The following CMAS variants were observed in gnomAD, a reference collection of about 807,000 sequenced individuals.
The protein encoded by CMAS is cytidine monophosphate N-acetylneuraminic acid synthetase, also known as N-acylneuraminate cytidylyltransferase.
CMAS carries 21 observed loss-of-function variants against 53.4 expected under a neutral mutation model. The ratio of observed to expected loss-of-function variants is 0.39; its 90% CI spans 0.28 to 0.57. The LOEUF is 0.57. Among genes scored for constraint, CMAS ranks in the 20% least tolerant of loss-of-function variants. CMAS has a pLI of 0.56. For missense variants in CMAS, 384 were observed against 534.9 expected (o/e 0.72, Z 2.78); for synonymous variants, 189 against 195.2 (o/e 0.97, Z 0.27).
chr12:22,047,468 T>C (rs1233898954), intron 1 of CMAS, among the ~76,000 whole-genome samples: 1 of 152,226 alleles, frequency 6.6e-6, no homozygotes, highest in Non-Finnish European at 1.5e-5. Flanking sequence ...GTTTTTGAAG[T>C]CATCTCTTTT....
At chr12:22,058,424 C>CAA (rs75620701) in intron 3 of CMAS, 143 bp from the exon 4 acceptor site, 699 of 528,076 alleles carry the variant, frequency 1.3e-3, no homozygotes, top group Non-Finnish European at 1.5e-3. Context: ...GACTCTGTCT[C>CAA]AAAAAAAAAA....
intron 7 of CMAS, among the ~76,000 whole-genome samples, chr12:22,063,346 A>T (rs1375943761): frequency 1.3e-5 from 2 of 152,228 alleles, no homozygotes; most frequent in Non-Finnish European, 2.9e-5. Flanking sequence ...TAAATGCTGC[A>T]GAATGTTTGT....
chr12:22,057,580 T>C (rs1325429610), intron 3 of CMAS, among the ~76,000 whole-genome samples: 2 of 152,064 alleles, frequency 1.3e-5, no homozygotes, highest in African/African-American at 2.4e-5. Flanking sequence ...ATAAAACTTA[T>C]TTCTGTATAT....
At chr12:22,047,322 AAAG>A (rs1950213554) in intron 1 of CMAS, among the ~76,000 whole-genome samples, 1 of 152,178 alleles carries the variant, frequency 6.6e-6, no homozygotes, top group African/African-American at 2.4e-5. Context: ...GTTATTCATA[AAAG>A]AAGGGAGATC....
chr12:22,056,585 C>T (rs981020846), intron 3 of CMAS, among the ~76,000 whole-genome samples: 7 of 152,156 alleles, frequency 4.6e-5, no homozygotes, highest in African/African-American at 1.4e-4. Context: ...CTCTTGCTAA[C>T]AAGACTAAGG....
At chr12:22,061,733 A>G (rs1230239429) in intron 6 of CMAS, among the ~76,000 whole-genome samples, 2 of 152,174 alleles carry the variant, frequency 1.3e-5, no homozygotes, top group Non-Finnish European at 2.9e-5. Flanking sequence ...TGCAGCAAGA[A>G]AGATTCCCTA....
At chr12:22,057,111 A>G (rs149086076) in intron 3 of CMAS, among the ~76,000 whole-genome samples, 10 of 152,246 alleles carry the variant, frequency 6.6e-5, no homozygotes, top group African/African-American at 2.2e-4. Flanking sequence ...CTGGGGTGGA[A>G]TTGAACAGGG....
intron 6 of CMAS, among the ~76,000 whole-genome samples, 168 bp from the exon 7 acceptor site, chr12:22,062,113 G>C (rs552323207): frequency 2.0e-5 from 3 of 152,292 alleles, no homozygotes; most frequent in Admixed American, 6.5e-5. Context: ...AAAGCATCAT[G>C]ATTTTAATTC....
At chr12:22,057,911 T>TG (rs1555141039) in intron 3 of CMAS, among the ~76,000 whole-genome samples, 5 of 147,908 alleles carry the variant, frequency 3.4e-5, no homozygotes, top group African/African-American at 4.9e-5. Flanking sequence ...CACTGCAATC[T>TG]CCCCCCCCCG....
At chr12:22,049,946 A>G (rs1017935799) in intron 1 of CMAS, among the ~76,000 whole-genome samples, 2 of 152,046 alleles carry the variant, frequency 1.3e-5, no homozygotes, top group Admixed American at 6.6e-5. Context: ...AGCAAAATGA[A>G]TGTATTTCTA....
chr12:22,055,444 G>T lies in CMAS; in HGVS notation c.404-11G>T. ...TTTAAATATCCTTTTCATTTCTCTTGTCTTTTTAAGAGGTTGACATTGTAG... is the reference window on the plus strand; with the variant it reads ...TTTAAATATCCTTTTCATTTCTCTTTTCTTTTTAAGAGGTTGACATTGTAG... On this transcript the variant is annotated splice_polypyrimidine_tract_variant and intron_variant, in intron 2 of 7. Transcript: ENST00000229329. 7 of 1,561,452 alleles carry T rather than the reference G, an allele frequency of 4.5e-6. No individual in the cohort carries two copies. Among genetic ancestry groups the T allele is most frequent in the Non-Finnish European group, 5.2e-6 (6 of 1,160,094 alleles).
intron 1 of CMAS, among the ~76,000 whole-genome samples, 176 bp downstream of exon 1, chr12:22,046,739 G>C (rs1324614201): frequency 6.6e-6 from 1 of 152,196 alleles, no homozygotes; most frequent in African/African-American, 2.4e-5. Context: ...AGGAGGAAGG[G>C]CTCCAGCTCC....
Position 22,062,547 on chromosome 12 carries a change from G to C in CMAS, c.1114+113G>C, listed in dbSNP as rs926563095. On this transcript the variant is annotated intron_variant, in intron 7 of 7. Coordinates refer to ENST00000229329, the MANE Select transcript of CMAS (RefSeq NM_018686.6). ...AAATGGGTATGATTGTAGGGAAATA[G>C]GAACTCTTTTAACAAACACTGCTGA... 35 of 1,105,440 alleles carry C rather than the reference G, an allele frequency of 3.2e-5. No homozygotes were observed. The Middle Eastern group carries it at 6.2e-4, about 19-fold the overall frequency. 68.5% of individuals were successfully genotyped at this position (1,105,440 alleles called of 1,614,324 possible).
At chr12:22,060,759 G>A (rs887762358) in intron 4 of CMAS, 73 bp from the exon 5 acceptor site, 3 of 837,006 alleles carry the variant, frequency 3.6e-6, no homozygotes, top group Non-Finnish European at 6.2e-6. Flanking sequence ...TCATTGTTCT[G>A]TATTATAATA....
chr12:22,050,865 C>T (rs1390773471), intron 1 of CMAS, among the ~76,000 whole-genome samples: 1 of 151,990 alleles, frequency 6.6e-6, no homozygotes, highest in Non-Finnish European at 1.5e-5. Context: ...TCTTATTCAT[C>T]ATGGTATGCT....
intron 1 of CMAS, among the ~76,000 whole-genome samples, chr12:22,051,568 T>G (rs557955817): frequency 1.3e-5 from 2 of 152,316 alleles, no homozygotes; most frequent in East Asian, 3.9e-4. Flanking sequence ...CTGGCCTGTT[T>G]GTTCACTTGC....
At chr12:22,061,599 T>C (rs2138188352) in intron 6 of CMAS, 147 bp downstream of exon 6, 1 of 481,200 alleles carries the variant, frequency 2.1e-6, no homozygotes, top group Admixed American at 4.0e-5. Context: ...ATTATTATAC[T>C]ATTTAGTTTT....
chr12:22,061,503 C>A, intron 6 of CMAS, 51 bp downstream of exon 6: 1 of 1,247,296 alleles, frequency 8.0e-7, no homozygotes, highest in Non-Finnish European at 1.1e-6. Context: ...GATTCAGGGT[C>A]AAAGAACATG....
intron 1 of CMAS, among the ~76,000 whole-genome samples, chr12:22,054,379 G>T (rs1448057174): frequency 6.9e-6 from 1 of 145,194 alleles, no homozygotes; most frequent in Non-Finnish European, 1.5e-5. Flanking sequence ...ATAGGCAACT[G>T]TGTAACCTGC....
Sources: gnomAD v4.1 joint callset for allele counts (sites outside exome capture counted in the v4.1 genomes callset) on GRCh38, gnomAD v4.1.1 for gene constraint, MANE v1.5 for transcripts, NCBI Gene and HGNC (gene_info 2026-07-23, HGNC 2026-07-21) for gene names.